SMYD3: variants seen among roughly 807,000 people sequenced by gnomAD.
SMYD3 encodes the protein histone-lysine N-methyltransferase SMYD3.
In SMYD3, 36 loss-of-function variants were observed where a neutral mutation model predicts 57.7. That is an observed-to-expected ratio of 0.62 (90% confidence interval 0.48 to 0.82). The LOEUF (loss-of-function observed/expected upper bound fraction) is 0.82, where lower values mean the gene tolerates loss of function less well. Ranked by LOEUF, SMYD3 falls within the 40% of genes least tolerant of loss-of-function variation. The pLI is 0.00. For synonymous variants in SMYD3, 211 were observed against 195.0 expected (o/e 1.08, Z -0.68); for missense variants, 515 against 538.8 (o/e 0.96, Z 0.44).
At position 246,174,513 on chromosome 1, in the gene SMYD3, T is replaced by A. The variant is rs908941913; in HGVS notation, c.531+152688A>T. Among the ~76,000 whole-genome samples the A allele has an allele frequency of 3.9e-5, 6 of 152,148 alleles. No individual in the cohort carries two copies. The East Asian group carries it at 1.2e-3, about 29-fold the overall frequency. On this transcript the variant is annotated intron_variant, in intron 5 of 11. Transcript: ENST00000490107. ...CCAGGTTGGAGTGCAGTGGCACAAT[T>A]AAAGCCCACTGCAGCCTCTGCCTCC...
intron 5 of SMYD3, among the ~76,000 whole-genome samples, chr1:246,159,222 C>T (rs2062074099): frequency 6.6e-6 from 1 of 152,166 alleles, no homozygotes; most frequent in Non-Finnish European, 1.5e-5. Context: ...AAATGATTTA[C>T]CCACAGAAAG....
intron 5 of SMYD3, among the ~76,000 whole-genome samples, chr1:246,023,687 A>G (rs933807695): frequency 2.0e-5 from 3 of 152,134 alleles, no homozygotes; most frequent in Non-Finnish European, 4.4e-5. Context: ...TACAACAAAA[A>G]AGACGGCACG....
At chr1:245,823,697 A>G (rs2049307783) in intron 10 of SMYD3, among the ~76,000 whole-genome samples, 1 of 152,224 alleles carries the variant, frequency 6.6e-6, no homozygotes, top group African/African-American at 2.4e-5. Context: ...CCGTTCAGGG[A>G]AGCCTTTAAG....
intron 7 of SMYD3, 120 bp from the exon 8 acceptor site, chr1:245,915,760 T>C (rs2055364066): frequency 5.0e-6 from 3 of 599,028 alleles, no homozygotes; most frequent in Admixed American, 3.0e-5. Context: ...ACCAAAAATA[T>C]AAGAGAGAAG....
intron 10 of SMYD3, among the ~76,000 whole-genome samples, chr1:245,840,415 A>G (rs1359298477): frequency 6.6e-6 from 1 of 152,236 alleles, no homozygotes; most frequent in Admixed American, 6.5e-5. Flanking sequence ...TTTTGAATGG[A>G]GAATTTTATA....
chr1:246,186,817 C>T (rs2062648763), intron 5 of SMYD3: 11 of 985,498 alleles, frequency 1.1e-5, no homozygotes, highest in African/African-American at 1.7e-5. Flanking sequence ...TATCACATTC[C>T]GGTCTTCTGC....
At chr1:246,187,482 A>C (rs1264984483) in intron 5 of SMYD3, among the ~76,000 whole-genome samples, 1 of 152,194 alleles carries the variant, frequency 6.6e-6, no homozygotes, top group African/African-American at 2.4e-5. Flanking sequence ...AATTTGGCAC[A>C]ATTTTTTTTC....
intron 5 of SMYD3, among the ~76,000 whole-genome samples, chr1:246,179,953 C>A (rs1400068664): frequency 6.6e-6 from 1 of 151,960 alleles, no homozygotes; most frequent in Non-Finnish European, 1.5e-5. Context: ...AAGGTGGGGA[C>A]CTACTTGTTA....
At chr1:246,166,608 C>T (rs1256514027) in intron 5 of SMYD3, among the ~76,000 whole-genome samples, 2 of 152,104 alleles carry the variant, frequency 1.3e-5, no homozygotes, top group East Asian at 3.9e-4. Context: ...CTGGGAACCA[C>T]GTCAGTCATT....
intron 2 of SMYD3, among the ~76,000 whole-genome samples, chr1:246,336,646 A>G (rs1394229319): frequency 1.3e-5 from 2 of 152,248 alleles, no homozygotes; most frequent in Non-Finnish European, 2.9e-5. Flanking sequence ...ACAAGGTACT[A>G]GATACATGGC....
intron 5 of SMYD3, among the ~76,000 whole-genome samples, chr1:246,018,201 T>C (rs10924447): frequency 0.056 from 8,449 of 152,224 alleles, 307 homozygotes; most frequent in African/African-American, 0.097. Context: ...ACACAGCTCT[T>C]TCTCTCTGTG....
At chr1:246,234,213 A>C (rs1185444222) in intron 5 of SMYD3, among the ~76,000 whole-genome samples, 1 of 151,058 alleles carries the variant, frequency 6.6e-6, no homozygotes, top group Non-Finnish European at 1.5e-5. Context: ...ACAGAGGAGA[A>C]GCGCTCCTTC....
chr1:246,056,694 C>T (rs1558188331), intron 5 of SMYD3, among the ~76,000 whole-genome samples: 1 of 151,798 alleles, frequency 6.6e-6, no homozygotes, highest in African/African-American at 2.4e-5. Flanking sequence ...ATGCTAATTA[C>T]CCTGATTTGA....
intron 1 of SMYD3, among the ~76,000 whole-genome samples, chr1:246,448,727 A>AAAC (rs1553349858): frequency 6.6e-6 from 1 of 151,014 alleles, no homozygotes; most frequent in Non-Finnish European, 1.5e-5. Flanking sequence ...AAAAAAAAAA[A>AAAC]AGGACAAAAT....
chr1:245,908,465 A>C (rs906730835), intron 8 of SMYD3, among the ~76,000 whole-genome samples: 1 of 152,196 alleles, frequency 6.6e-6, no homozygotes, highest in Non-Finnish European at 1.5e-5. Context: ...TATCACACTT[A>C]ATCTGTACCA....
At chr1:245,963,701 G>A (rs2058068703) in intron 5 of SMYD3, among the ~76,000 whole-genome samples, 1 of 152,194 alleles carries the variant, frequency 6.6e-6, no homozygotes, top group African/African-American at 2.4e-5. Context: ...AGAGAATTAT[G>A]TTCTTAACAA....
At chr1:246,415,449 C>A (rs2067048001) in intron 1 of SMYD3, among the ~76,000 whole-genome samples, 1 of 152,166 alleles carries the variant, frequency 6.6e-6, no homozygotes. Context: ...TCACAACAAT[C>A]CCATTATTAG....
intron 8 of SMYD3, among the ~76,000 whole-genome samples, chr1:245,867,872 G>A (rs1044553322): frequency 1.3e-5 from 2 of 152,218 alleles, no homozygotes; most frequent in Admixed American, 6.5e-5. Flanking sequence ...GGGCAAGTGC[G>A]GACGCAGAAG....
At chr1:245,832,941 G>A (rs1486086448) in intron 10 of SMYD3, among the ~76,000 whole-genome samples, 1 of 151,714 alleles carries the variant, frequency 6.6e-6, no homozygotes, top group South Asian at 2.1e-4. Context: ...CTTCATAATG[G>A]GGGAATCAGC....
Sources: gnomAD v4.1 joint callset for allele counts (sites outside exome capture counted in the v4.1 genomes callset) on GRCh38, gnomAD v4.1.1 for gene constraint, MANE v1.5 for transcripts, NCBI Gene and HGNC (gene_info 2026-07-23, HGNC 2026-07-21) for gene names.